Variants in PTPRQ observed in about 807,000 individuals in gnomAD.
PTPRQ encodes the protein protein tyrosine phosphatase receptor type Q, also known as phosphatidylinositol phosphatase PTPRQ.
In PTPRQ, 199 loss-of-function variants were observed where a neutral mutation model predicts 246.0. That is an observed-to-expected ratio of 0.81 (90% confidence interval 0.72 to 0.91). The LOEUF (loss-of-function observed/expected upper bound fraction) is 0.91. PTPRQ is among the 40% of genes least tolerant of loss of function. The probability of loss-of-function intolerance (pLI) is 0.00; values close to 1 mark genes in which losing one functional copy is unlikely to be tolerated. For missense variants in PTPRQ, 2,624 were observed against 2,528.4 expected, an observed-to-expected ratio of 1.04 and a Z score of -0.81; for synonymous variants, 869 against 853.2, an observed-to-expected ratio of 1.02 and a Z score of -0.32.
Position 80,542,868 on chromosome 12 carries a change from C to A in PTPRQ, c.3860C>A (p.Thr1287Asn), listed in dbSNP as rs753530775. 4.0e-6 allele frequency: 6 copies of A among 1,509,126 alleles called. No homozygotes were observed. Among genetic ancestry groups the A allele is most frequent in the Non-Finnish European group, 5.3e-6 (6 of 1,121,878 alleles). 93.5% of individuals were successfully genotyped at this position (1,509,126 alleles called of 1,614,324 possible). A position where few individuals can be genotyped will look rare whatever the true frequency, so the allele number is the denominator to read the frequency against. ...SFKIHEHETD[T>N]IYYKNISGFK... ...AAAATTCATGAACATGAAACTGACACTATATATTATAAGGTAGGTTGATTA... is the reference window on the plus strand; with the variant it reads ...AAAATTCATGAACATGAAACTGACAATATATATTATAAGGTAGGTTGATTA... Residue 1287 changes from threonine (T) to asparagine (N), a missense_variant, in exon 23 of 45, where the codon ACT becomes AAT. Coordinates refer to ENST00000644991, the MANE Select transcript of PTPRQ (RefSeq NM_001145026.2).
At chr12:80,499,960 A>C (rs1187338963) in intron 14 of PTPRQ, among the ~76,000 whole-genome samples, 1 of 151,970 alleles carries the variant, frequency 6.6e-6, no homozygotes, top group Non-Finnish European at 1.5e-5. Flanking sequence ...TTTTTAAGAC[A>C]CAACCATCTT....
intron 19 of PTPRQ, among the ~76,000 whole-genome samples, chr12:80,538,104 G>A (rs1896043770): frequency 6.6e-6 from 1 of 151,760 alleles, no homozygotes; most frequent in African/African-American, 2.4e-5. Context: ...GTGAGACTCT[G>A]TTTTAAAGAA....
chr12:80,638,876 A>G (rs1369525785), intron 35 of PTPRQ, among the ~76,000 whole-genome samples: 8 of 152,256 alleles, frequency 5.3e-5, no homozygotes, highest in Admixed American at 1.3e-4. Flanking sequence ...TTTAGATAAC[A>G]CAAACTATAA....
rs181222485 is a variant in PTPRQ at position 80,497,633 on chromosome 12, G to A, written c.2272+1102G>A. Among the ~76,000 whole-genome samples the A allele has an allele frequency of 9.2e-5, 14 of 152,068 alleles. No individual in the cohort carries two copies. In the East Asian group the frequency reaches 2.7e-3, roughly 30 times the overall value. ...AAGGAATTACTTGTGTTTTAGTTTC[G>A]GTGAAACTAGAGTAAGACAGTTTGT... On this transcript the variant is annotated intron_variant, in intron 14 of 44. Transcript: ENST00000644991.
intron 3 of PTPRQ, chr12:80,454,668 T>A (rs1487434689): frequency 8.1e-6 from 5 of 616,042 alleles, no homozygotes; most frequent in Non-Finnish European, 5.8e-6. Context: ...TGAGGGTTTT[T>A]ATCATGAAGG....
In PTPRQ at chr12:80,539,927, T is replaced by C; in HGVS notation, c.3137T>C (p.Val1046Ala). 1 of 1,544,970 alleles carries C rather than the reference T, an allele frequency of 6.5e-7. No homozygotes were observed. Among genetic ancestry groups the C allele is most frequent in the Non-Finnish European group, 8.7e-7 (1 of 1,144,056 alleles). The change falls in exon 20 of 45, where the codon GTA becomes GCA. Residue 1046 changes from valine to alanine, a missense_variant. Physicochemically the swap from Val to Ala is moderately conservative, Grantham distance 64 (BLOSUM62 0). Transcript: ENST00000644991. ...AATAAAAGCAGTGACATCATTGAAGTATACACAGATCAAGACAGTATGTAA... is the reference window on the plus strand; with the variant it reads ...AATAAAAGCAGTGACATCATTGAAGCATACACAGATCAAGACAGTATGTAA... The part of the protein sequence containing the change: ...NGNKSSDIIE[V>A]YTDQDIPEGF...
At chr12:80,507,458 A>G (rs775341315) in intron 16 of PTPRQ, among the ~76,000 whole-genome samples, 2 of 151,626 alleles carry the variant, frequency 1.3e-5, no homozygotes, top group South Asian at 4.2e-4. Context: ...TCTTTCTTTC[A>G]AGTTTCCCCA....
chr12:80,551,806 A>G (rs1896482871), intron 25 of PTPRQ, among the ~76,000 whole-genome samples: 1 of 151,452 alleles, frequency 6.6e-6, no homozygotes, highest in Admixed American at 6.6e-5. Flanking sequence ...TTAGCATGCT[A>G]TTTCACTATT....
intron 25 of PTPRQ, among the ~76,000 whole-genome samples, chr12:80,556,508 A>C (rs1042573773): frequency 6.6e-6 from 1 of 152,180 alleles, no homozygotes; most frequent in African/African-American, 2.4e-5. Context: ...TTGAACCTTG[A>C]ATTTCGTAGA....
intron 34 of PTPRQ, 67 bp downstream of exon 34, chr12:80,632,358 G>A: frequency 6.5e-7 from 1 of 1,530,498 alleles, no homozygotes; most frequent in South Asian, 1.3e-5. Flanking sequence ...AGTCCAATCA[G>A]GAGACAGAAG....
chr12:80,652,973 A>C, intron 38 of PTPRQ, 139 bp downstream of exon 38: 1 of 1,025,558 alleles, frequency 9.8e-7, no homozygotes, highest in Non-Finnish European at 1.3e-6. Flanking sequence ...TGACTACCAA[A>C]TTATATATCT....
chr12:80,449,934 G>T (rs1892694907), intron 3 of PTPRQ, among the ~76,000 whole-genome samples: 1 of 152,118 alleles, frequency 6.6e-6, no homozygotes, highest in African/African-American at 2.4e-5. Context: ...TAGCTTGATG[G>T]GGATGGCATA....
chr12:80,617,044 C>T (rs1025999170), intron 30 of PTPRQ, among the ~76,000 whole-genome samples: 1 of 151,138 alleles, frequency 6.6e-6, no homozygotes, highest in Non-Finnish European at 1.5e-5. Flanking sequence ...CAAAAAGTAA[C>T]TTTTTTCAGT....
chr12:80,670,707 A>G (rs556080516), intron 42 of PTPRQ, among the ~76,000 whole-genome samples: 33 of 152,168 alleles, frequency 2.2e-4, no homozygotes, highest in African/African-American at 7.9e-4. Flanking sequence ...TCACAGTTGA[A>G]GTTTGGAGAT....
At chr12:80,678,529 T>G in intron 43 of PTPRQ, 73 bp from the exon 44 acceptor site, 3 of 1,437,068 alleles carry the variant, frequency 2.1e-6, no homozygotes, top group Non-Finnish European at 2.7e-6. Context: ...TGCTTTTAGC[T>G]TTAACAATAT....
At chr12:80,520,782 G>C (rs1206270289) in intron 17 of PTPRQ, among the ~76,000 whole-genome samples, 1 of 151,926 alleles carries the variant, frequency 6.6e-6, no homozygotes, top group Non-Finnish European at 1.5e-5. Context: ...TGGGTTGGTT[G>C]CAAGTCTTTG....
intron 8 of PTPRQ, among the ~76,000 whole-genome samples, chr12:80,476,298 A>G (rs564202594): frequency 6.6e-6 from 1 of 152,178 alleles, no homozygotes; most frequent in South Asian, 2.1e-4. Flanking sequence ...ATTGGTAAAT[A>G]TGATGATGCA....
chr12:80,473,020 T>TACACACACACAC (rs1893690100), intron 8 of PTPRQ, among the ~76,000 whole-genome samples: 4 of 129,606 alleles, frequency 3.1e-5, no homozygotes, highest in African/African-American at 1.2e-4. Context: ...TGTAGACATG[T>TACACACACACAC]ATACACACAC....
intron 9 of PTPRQ, among the ~76,000 whole-genome samples, chr12:80,486,612 C>A (rs201805819): frequency 1.3e-5 from 2 of 152,106 alleles, no homozygotes; most frequent in East Asian, 3.9e-4. Flanking sequence ...GAGTAAATGA[C>A]ATAAGAAATA....
Sources: allele counts gnomAD v4.1 joint callset (sites outside exome capture counted in the v4.1 genomes callset), GRCh38; gene constraint gnomAD v4.1.1; transcripts MANE v1.5; gene names NCBI Gene and HGNC (gene_info 2026-07-23, HGNC 2026-07-21).